CGNL1: variants seen among roughly 807,000 people sequenced by gnomAD.
CGNL1 encodes cingulin like 1.
A neutral mutation model predicts 141.2 loss-of-function variants in CGNL1; 132 were observed. That is an observed-to-expected ratio of 0.93 (90% CI 0.81 to 1.08). The LOEUF (loss-of-function observed/expected upper bound fraction) is 1.08. Among genes scored for constraint, CGNL1 ranks in the 50% least tolerant of loss-of-function variants. CGNL1 has a pLI of 0.00. For missense variants in CGNL1, 1,870 were observed against 1,588.6 expected (o/e 1.18, Z -3.01); for synonymous variants, 690 against 622.1 (o/e 1.11, Z -1.63).
At chr15:57,463,190 T>C (rs73419972) in intron 8 of CGNL1, among the ~76,000 whole-genome samples, 4,842 of 152,276 alleles carry the variant, frequency 0.032, 227 homozygotes, top group African/African-American at 0.11. Flanking sequence ...TTTGTAGTGA[T>C]TTAAGTATAA....
chr15:57,382,888 A>C (rs1269804767), intron 1 of CGNL1, among the ~76,000 whole-genome samples: 1 of 152,090 alleles, frequency 6.6e-6, no homozygotes, highest in Non-Finnish European at 1.5e-5. Flanking sequence ...GGCTCTTTTG[A>C]CTTGATTACA....
At chr15:57,405,843 T>TTCTTTCCTTC (rs1567096855) in intron 1 of CGNL1, 6 of 127,570 alleles carry the variant, frequency 4.7e-5, no homozygotes, top group African/African-American at 1.6e-4. Flanking sequence ...TTTCTTTTCT[T>TTCTTTCCTTC]TTTCTTTCTT....
chr15:57,503,190 T>C (rs1390791199), intron 8 of CGNL1, among the ~76,000 whole-genome samples: 1 of 152,172 alleles, frequency 6.6e-6, no homozygotes, highest in Non-Finnish European at 1.5e-5. Context: ...GCTCTCCAGA[T>C]CCTCAATAGT....
intron 8 of CGNL1, among the ~76,000 whole-genome samples, chr15:57,506,014 G>A (rs1391657905): frequency 6.6e-6 from 1 of 152,234 alleles, no homozygotes; most frequent in Non-Finnish European, 1.5e-5. Context: ...GAGTAGGCCT[G>A]TGAGCTTCCA....
At chr15:57,527,134 G>C (rs1223462991) in intron 12 of CGNL1, 1 of 151,984 alleles carries the variant, frequency 6.6e-6, no homozygotes, top group Non-Finnish European at 1.5e-5. Context: ...TTTTCCATGG[G>C]GTGATTTTCA....
intron 7 of CGNL1, among the ~76,000 whole-genome samples, chr15:57,457,100 C>G (rs1033741589): frequency 1.3e-5 from 2 of 152,162 alleles, no homozygotes; most frequent in Non-Finnish European, 1.5e-5. Flanking sequence ...TTGTCAGCTA[C>G]CGTTGCTATA....
intron 8 of CGNL1, among the ~76,000 whole-genome samples, chr15:57,505,609 C>A (rs1239830043): frequency 6.6e-6 from 1 of 152,142 alleles, no homozygotes; most frequent in African/African-American, 2.4e-5. Context: ...GGTGTCTTAA[C>A]CCTGTGGGTA....
At chr15:57,521,384 A>G (rs2031243716) in intron 10 of CGNL1, among the ~76,000 whole-genome samples, 1 of 152,148 alleles carries the variant, frequency 6.6e-6, no homozygotes, top group South Asian at 2.1e-4. Context: ...TAGAATCTAT[A>G]TTTTAAGTAC....
intron 1 of CGNL1, among the ~76,000 whole-genome samples, chr15:57,413,457 TG>T (rs2062815495): frequency 6.6e-6 from 1 of 152,126 alleles, no homozygotes; most frequent in Admixed American, 6.5e-5. Flanking sequence ...TTTGTGAAGA[TG>T]GGGGTTTTGC....
At chr15:57,509,401 A>G (rs761294074) in intron 8 of CGNL1, among the ~76,000 whole-genome samples, 1 of 152,162 alleles carries the variant, frequency 6.6e-6, no homozygotes, top group Non-Finnish European at 1.5e-5. Context: ...GTAAAACCTG[A>G]TATGTCTGTG....
chr15:57,417,124 T>C (rs1041806475), intron 1 of CGNL1, among the ~76,000 whole-genome samples: 1 of 152,252 alleles, frequency 6.6e-6, no homozygotes, highest in African/African-American at 2.4e-5. Context: ...TTTAACATAG[T>C]ACTTAGCACT....
intron 1 of CGNL1, among the ~76,000 whole-genome samples, chr15:57,436,822 T>A (rs146429910): frequency 6.6e-6 from 1 of 152,244 alleles, no homozygotes; most frequent in African/African-American, 2.4e-5. Context: ...ATTCTACCAG[T>A]GTAATCAAGA....
At chr15:57,408,749 C>T (rs1001099546) in intron 1 of CGNL1, among the ~76,000 whole-genome samples, 2 of 151,896 alleles carry the variant, frequency 1.3e-5, no homozygotes, top group African/African-American at 2.4e-5. Flanking sequence ...TTGAAATTGC[C>T]TTTAGGCCAG....
intron 8 of CGNL1, among the ~76,000 whole-genome samples, chr15:57,498,929 T>C (rs899627690): frequency 2.0e-5 from 3 of 152,150 alleles, no homozygotes; most frequent in Middle Eastern, 3.4e-3. Context: ...GATACAGACA[T>C]TGGGGACTGA....
chr15:57,527,739 GTTC>G (rs772839919), intron 12 of CGNL1: 4 of 152,230 alleles, frequency 2.6e-5, no homozygotes, highest in Admixed American at 6.5e-5. Flanking sequence ...AGCTAATCAT[GTTC>G]TTCTACAAAG....
intron 1 of CGNL1, chr15:57,377,196 A>G (rs1361205936): frequency 2.0e-5 from 3 of 152,082 alleles, no homozygotes; most frequent in Non-Finnish European, 4.4e-5. Context: ...AGTTAGTTAC[A>G]CAGGATTTTT....
chr15:57,431,962 T>C (rs1690656393), intron 1 of CGNL1, among the ~76,000 whole-genome samples: 2 of 152,216 alleles, frequency 1.3e-5, no homozygotes, highest in African/African-American at 2.4e-5. Context: ...GGGTCAATTC[T>C]TATTTCCTAG....
chr15:57,548,505 A>C lies in CGNL1; in HGVS notation c.*1015A>C, dbSNP rs539334171. 2 of 152,244 alleles carry C rather than the reference A, an allele frequency of 1.3e-5. No individual in the cohort carries two copies. Among genetic ancestry groups the C allele is most frequent in the African/African-American group, 4.8e-5 (2 of 41,466 alleles). 9.4% of individuals were successfully genotyped at this position (152,244 alleles called of 1,614,324 possible). On this transcript the variant is annotated 3_prime_UTR_variant, in exon 19 of 19. Transcript: ENST00000281282. ...GTCTGGGTAAACAAGTCACTGGCAC[A>C]GGGGAAAGCCAGAAGGTTGCTTGTG...
At chr15:57,406,594 G>GTAGTGAC (rs2062725765) in intron 1 of CGNL1, among the ~76,000 whole-genome samples, 1 of 152,166 alleles carries the variant, frequency 6.6e-6, no homozygotes, top group South Asian at 2.1e-4. Flanking sequence ...TGGGTAAGTG[G>GTAGTGAC]TAGTGACTAG....
Sources: allele counts gnomAD v4.1 joint callset (sites outside exome capture counted in the v4.1 genomes callset), GRCh38; gene constraint gnomAD v4.1.1; transcripts MANE v1.5; gene names NCBI Gene and HGNC (gene_info 2026-07-23, HGNC 2026-07-21).